The following TRIM55 variants were observed in gnomAD, a reference collection of about 807,000 sequenced individuals.
TRIM55 encodes the protein tripartite motif-containing protein 55.
A neutral mutation model predicts 60.9 loss-of-function variants in TRIM55; 50 were observed. The ratio of observed to expected loss-of-function variants is 0.82; its 90% confidence interval spans 0.65 to 1.04. The LOEUF is 1.04. Ranked by LOEUF, TRIM55 falls within the 50% of genes least tolerant of loss-of-function variation. The probability of loss-of-function intolerance (pLI) is 0.00; values close to 1 mark genes in which losing one functional copy is unlikely to be tolerated. For missense variants in TRIM55, 681 were observed against 666.9 expected (o/e 1.02, Z -0.23); for synonymous variants, 237 against 238.1 (o/e 1.00, Z 0.04).
chr8:66,160,408 C>G (rs1810983313), intron 9 of TRIM55, among the ~76,000 whole-genome samples: 1 of 148,570 alleles, frequency 6.7e-6, no homozygotes, highest in Non-Finnish European at 1.5e-5. Context: ...TTTAGCCACT[C>G]ATTGACTGAT....
At chr8:66,150,495 A>G in intron 7 of TRIM55, 29 bp downstream of exon 7, 1 of 1,612,968 alleles carries the variant, frequency 6.2e-7, no homozygotes. Context: ...CATTTGGCCG[A>G]AGTTGCAGGT....
chr8:66,168,885 C>T (rs1266300964), intron 9 of TRIM55, among the ~76,000 whole-genome samples: 1 of 152,182 alleles, frequency 6.6e-6, no homozygotes, highest in Non-Finnish European at 1.5e-5. Context: ...ATACATGAGG[C>T]CATCATTATC....
At chr8:66,154,574 T>C (rs535551281) in intron 9 of TRIM55, among the ~76,000 whole-genome samples, 17 of 152,324 alleles carry the variant, frequency 1.1e-4, no homozygotes, top group African/African-American at 4.1e-4. Context: ...ACACCTGGCT[T>C]CCCAGGGGAG....
chr8:66,149,509 C>T (rs991160908), intron 4 of TRIM55, 136 bp from the exon 5 acceptor site: 33 of 678,970 alleles, frequency 4.9e-5, no homozygotes, highest in Non-Finnish European at 7.5e-5. Context: ...GTATCCATAC[C>T]TAAATAGACA....
At chr8:66,113,403 G>A in the TRIM55 span, 3 of 419,872 alleles carry the variant, frequency 7.1e-6, no homozygotes, top group East Asian at 7.2e-5. Context: ...GAGGACTGTA[G>A]CTACTTCCTC....
At chr8:66,144,786 A>C (rs1810016799) in intron 4 of TRIM55, among the ~76,000 whole-genome samples, 2 of 152,232 alleles carry the variant, frequency 1.3e-5, no homozygotes, top group African/African-American at 4.8e-5. Context: ...CTTTGAGATG[A>C]GGAAGTTTTT....
At chr8:66,123,462 G>A (rs574319737), upstream of TRIM55, among the ~76,000 whole-genome samples, 10 of 152,106 alleles carry the variant, frequency 6.6e-5, no homozygotes, top group Non-Finnish European at 1.2e-4. Context: ...CATCAACTGG[G>A]CTCTTACTCC....
rs554960342 is a variant in TRIM55 at position 66,154,059 on chromosome 8, C to T, written c.1249C>T (p.Pro417Ser). 6.2e-7 allele frequency: 1 copy of T among 1,613,030 alleles called. No individual in the cohort carries two copies. Among genetic ancestry groups the T allele is most frequent in the Non-Finnish European group, 8.5e-7 (1 of 1,179,468 alleles). ...TGTCCTGATTAAGGGGGAGGTTGTA[C>T]CCACTGGCTCTGAGCAGACCACAGA... ...DAPVTQGEVV[P>S]TGSEQTTESE... is the part of the protein sequence containing the mutation. The change falls in exon 9 of 10, where the codon CCC (proline) becomes TCC (serine). Residue 417 changes from proline (P) to serine (S), a missense_variant. Transcript: ENST00000315962.
intron 3 of TRIM55, 73 bp downstream of exon 3, chr8:66,135,228 T>G (rs1302635394): frequency 1.3e-6 from 2 of 1,539,256 alleles, no homozygotes; most frequent in Non-Finnish European, 1.8e-6. Flanking sequence ...GGGGCCAGTG[T>G]GAGTGGCTCC....
At chr8:66,113,396 G>A in the TRIM55 span, 1 of 411,986 alleles carries the variant, frequency 2.4e-6, no homozygotes, top group South Asian at 1.8e-5. Flanking sequence ...TAGAGCGGAG[G>A]ACTGTAGCTA....
chr8:66,137,079 G>A lies in TRIM55; in HGVS notation c.508-16G>A, dbSNP rs745435528. The A allele has an allele frequency of 1.9e-6, 3 of 1,611,686 alleles. No homozygotes were observed. Among genetic ancestry groups the A allele is most frequent in the South Asian group, 2.2e-5 (2 of 90,968 alleles). On this transcript the variant is annotated splice_polypyrimidine_tract_variant and intron_variant, in intron 3 of 9. Transcript: ENST00000315962. ...GAAACCCCTAAGATATTGGGTTCATGTTTTCTCTTCATTAGTCTGAGCTCA... is the reference window on the plus strand; with the variant it reads ...GAAACCCCTAAGATATTGGGTTCATATTTTCTCTTCATTAGTCTGAGCTCA...
rs1471243777 is a variant in TRIM55 at position 66,149,884 on chromosome 8, T to A, written c.837+6T>A. 3.7e-6 allele frequency: 6 copies of A among 1,608,676 alleles called. No homozygotes were observed. In the Admixed American group the frequency reaches 1.0e-4, roughly 27 times the overall value. On this transcript the variant is annotated splice_donor_region_variant and intron_variant, in intron 5 of 9. Transcript: ENST00000315962. ...AAATGGCAGTGTTTCTGCAGGTAAG[T>A]CTCTTTTTGGCACCAAAGTAACAAC... is the stretch of plus-strand genomic sequence containing the variant.
chr8:66,167,003 A>G (rs907656117), intron 9 of TRIM55, among the ~76,000 whole-genome samples: 2 of 152,164 alleles, frequency 1.3e-5, no homozygotes, highest in African/African-American at 2.4e-5. Context: ...GTAGCTGTCC[A>G]CTGCAAATGA....
At chr8:66,123,447 A>G (rs773271577), upstream of TRIM55, among the ~76,000 whole-genome samples, 2 of 152,180 alleles carry the variant, frequency 1.3e-5, no homozygotes, top group Non-Finnish European at 2.9e-5. Context: ...TTTTTCATTG[A>G]CATTCATCAA....
chr8:66,150,603 T>C, intron 7 of TRIM55, 137 bp downstream of exon 7: 1 of 986,944 alleles, frequency 1.0e-6, no homozygotes, highest in Non-Finnish European at 1.5e-6. Context: ...ATATCCAATG[T>C]GAAGCTCTAT....
At chr8:66,164,595 C>G (rs562360885) in intron 9 of TRIM55, among the ~76,000 whole-genome samples, 4 of 152,168 alleles carry the variant, frequency 2.6e-5, no homozygotes, top group Non-Finnish European at 5.9e-5. Flanking sequence ...GTCCCTTCCC[C>G]TTTCCCAAGT....
chr8:66,134,504 G>A (rs1316314455), intron 2 of TRIM55, among the ~76,000 whole-genome samples: 1 of 152,118 alleles, frequency 6.6e-6, no homozygotes. Context: ...CTAAAAGCTG[G>A]TGCAAACTCG....
At chr8:66,125,219 A>G (rs952132364), upstream of TRIM55, among the ~76,000 whole-genome samples, 5 of 152,222 alleles carry the variant, frequency 3.3e-5, no homozygotes, top group Non-Finnish European at 7.3e-5. Flanking sequence ...TGACAAAACA[A>G]ACTTTCTCGA....
chr8:66,171,921 C>A (rs934354530), intron 9 of TRIM55, among the ~76,000 whole-genome samples: 1 of 152,036 alleles, frequency 6.6e-6, no homozygotes, highest in Non-Finnish European at 1.5e-5. Flanking sequence ...AGAAAAGATG[C>A]CCAATTCTGG....
Sources: gnomAD v4.1 joint callset for allele counts (sites outside exome capture counted in the v4.1 genomes callset) on GRCh38, gnomAD v4.1.1 for gene constraint, MANE v1.5 for transcripts, NCBI Gene and HGNC (gene_info 2026-07-23, HGNC 2026-07-21) for gene names.